Variants in ARID1B observed in about 807,000 individuals in gnomAD.
ARID1B encodes the protein AT-rich interactive domain-containing protein 1B.
Under a neutral mutation model 212.3 loss-of-function variants are expected in ARID1B, and 30 were observed. The observed-to-expected ratio is 0.14, with a 90% CI of 0.11 to 0.19. ARID1B has a LOEUF of 0.19. Among genes scored for constraint, ARID1B ranks in the 10% least tolerant of loss-of-function variants. The pLI is 1.00. For missense variants in ARID1B, 2,891 were observed against 3,204.0 expected (o/e 0.90, Z 2.36); for synonymous variants, 1,402 against 1,301.7 (o/e 1.08, Z -1.66).
At chr6:157,113,915 A>G (rs553226256) in intron 6 of ARID1B, among the ~76,000 whole-genome samples, 4 of 152,356 alleles carry the variant, frequency 2.6e-5, no homozygotes, top group African/African-American at 9.6e-5. Context: ...TTAGGAAGAA[A>G]TGTTAGCTCC....
chr6:157,137,362 A>G (rs550026840), intron 7 of ARID1B, among the ~76,000 whole-genome samples: 1 of 152,344 alleles, frequency 6.6e-6, no homozygotes, highest in Non-Finnish European at 1.5e-5. Context: ...ACATGTAATA[A>G]TAACTACCCT....
At chr6:156,948,607 G>A (rs998293645) in intron 4 of ARID1B, among the ~76,000 whole-genome samples, 31 of 152,280 alleles carry the variant, frequency 2.0e-4, no homozygotes, top group African/African-American at 6.7e-4. Context: ...CCTCAATTAA[G>A]ACACAGTATC....
At chr6:156,823,133 TCTC>T (rs1167765822) in intron 1 of ARID1B, among the ~76,000 whole-genome samples, 1 of 152,128 alleles carries the variant, frequency 6.6e-6, no homozygotes, top group East Asian at 1.9e-4. Flanking sequence ...TGACATGTCT[TCTC>T]TATGCCCGTG....
At chr6:157,093,601 A>G (rs944525051) in intron 5 of ARID1B, among the ~76,000 whole-genome samples, 1 of 152,272 alleles carries the variant, frequency 6.6e-6, no homozygotes, top group African/African-American at 2.4e-5. Flanking sequence ...TATAAATGAT[A>G]TAACTAGGAA....
At chr6:157,126,375 G>C (rs73021529) in intron 6 of ARID1B, among the ~76,000 whole-genome samples, 268 of 152,188 alleles carry the variant, frequency 1.8e-3, no homozygotes, top group Non-Finnish European at 2.9e-3. Context: ...AAATCCATAG[G>C]GGGTGTGTTG....
intron 4 of ARID1B, among the ~76,000 whole-genome samples, chr6:156,987,480 G>A (rs943086452): frequency 1.3e-5 from 2 of 152,032 alleles, no homozygotes; most frequent in African/African-American, 2.4e-5. Context: ...ACAGGCGCCC[G>A]CTACTGCACC....
At chr6:157,164,276 G>A (rs959814550) in intron 8 of ARID1B, among the ~76,000 whole-genome samples, 1 of 152,210 alleles carries the variant, frequency 6.6e-6, no homozygotes, top group African/African-American at 2.4e-5. Flanking sequence ...CCAAGGCATG[G>A]ACCTCATTGT....
At chr6:157,079,129 G>A (rs941484476) in intron 4 of ARID1B, among the ~76,000 whole-genome samples, 7 of 152,130 alleles carry the variant, frequency 4.6e-5, no homozygotes, top group Admixed American at 2.0e-4. Flanking sequence ...AATAAAAAGC[G>A]ACACATGTAT....
rs546605728 is a variant in ARID1B, at chr6:157,053,060, TATC to T, written c.2248-31599_2248-31597del. 8.2e-4 allele frequency among the ~76,000 whole-genome samples: 125 copies of T among 151,542 alleles called. 4 individuals carry two copies. The South Asian group carries it at 0.022, about 26-fold the overall frequency. On this transcript the variant is annotated intron_variant, in intron 4 of 19. Coordinates refer to ENST00000636930, the MANE Select transcript of ARID1B (RefSeq NM_001374828.1). ...CAGCCTGATTTACAACAGTGCAAAA[TATC>T]ATGAAGAATTATTTTATTGATTGAT...
At chr6:156,957,501 G>C (rs181155081) in intron 4 of ARID1B, among the ~76,000 whole-genome samples, 33 of 152,292 alleles carry the variant, frequency 2.2e-4, no homozygotes, top group Non-Finnish European at 4.3e-4. Context: ...GCAGGCTTAA[G>C]AAGCTGGAGC....
At chr6:157,003,306 C>A (rs1779012442) in intron 4 of ARID1B, among the ~76,000 whole-genome samples, 3 of 152,174 alleles carry the variant, frequency 2.0e-5, no homozygotes, top group Non-Finnish European at 4.4e-5. Context: ...ACAACACAGC[C>A]ATGGAGGTTG....
chr6:156,793,757 T>C (rs1448132337), intron 1 of ARID1B, among the ~76,000 whole-genome samples: 1 of 152,214 alleles, frequency 6.6e-6, no homozygotes, highest in Non-Finnish European at 1.5e-5. Flanking sequence ...TGCTTCTCAT[T>C]CTTGCCTCTC....
intron 4 of ARID1B, among the ~76,000 whole-genome samples, chr6:156,945,232 GCTTTTTTTTTTT>G (rs1793016434): frequency 1.4e-5 from 1 of 70,722 alleles, no homozygotes; most frequent in Admixed American, 1.7e-4. Context: ...CCCGCATCCG[GCTTTTTTTTTTT>G]TTTTTTTTTT....
intron 8 of ARID1B, chr6:157,149,997 A>G (rs1006597238): frequency 6.6e-6 from 1 of 152,212 alleles, no homozygotes; most frequent in East Asian, 1.9e-4. Context: ...CCACATTACA[A>G]TTACTTAAAA....
At chr6:157,141,327 G>A (rs1170560947) in intron 7 of ARID1B, 7 of 152,398 alleles carry the variant, frequency 4.6e-5, no homozygotes, top group African/African-American at 1.7e-4. Context: ...TGTAAGGTAA[G>A]ATAATAGGTC....
chr6:157,149,500 A>G (rs1489191383), intron 8 of ARID1B: 1 of 152,746 alleles, frequency 6.5e-6, no homozygotes, highest in African/African-American at 2.4e-5. Flanking sequence ...AGGCATATCT[A>G]TCTGTCCAAA....
chr6:157,053,387 A>G (rs1782733667), intron 4 of ARID1B, among the ~76,000 whole-genome samples: 1 of 152,212 alleles, frequency 6.6e-6, no homozygotes, highest in Admixed American at 6.5e-5. Context: ...CCCCTGGCCT[A>G]TCATGCAGAA....
Position 157,006,710 on chromosome 6 carries a change from C to T in ARID1B, c.2247+71134C>T, listed in dbSNP as rs576346099. Reference sequence around the variant, plus strand: ...GAGCAGTATGTAGTGTTTTCATAGACCAGAGAGGAGCCTGCACTGTTATCA... The same window carrying T: ...GAGCAGTATGTAGTGTTTTCATAGATCAGAGAGGAGCCTGCACTGTTATCA... On this transcript the variant is annotated intron_variant, in intron 4 of 19. Coordinates refer to ENST00000636930, the MANE Select transcript of ARID1B (RefSeq NM_001374828.1). Among the ~76,000 whole-genome samples, 661 of 152,300 alleles carry T rather than the reference C, an allele frequency of 4.3e-3. 2 individuals carry two copies. The highest frequency in any genetic ancestry group is 6.9e-3 in the Non-Finnish European group (469 of 68,014).
At chr6:157,127,509 C>T (rs987556211) in intron 6 of ARID1B, among the ~76,000 whole-genome samples, 9 of 151,692 alleles carry the variant, frequency 5.9e-5, no homozygotes, top group African/African-American at 1.9e-4. Context: ...ACAAAAATTA[C>T]GCCTGTAATC....
Sources: gnomAD v4.1 joint callset for allele counts (sites outside exome capture counted in the v4.1 genomes callset) on GRCh38, gnomAD v4.1.1 for gene constraint, MANE v1.5 for transcripts, NCBI Gene and HGNC (gene_info 2026-07-23, HGNC 2026-07-21) for gene names.